Variants in RGS12 observed in about 807,000 individuals in gnomAD.
RGS12 encodes the protein regulator of G-protein signaling 12.
Under a neutral mutation model 120.1 loss-of-function variants are expected in RGS12, and 66 were observed. That is an observed-to-expected ratio of 0.55 (90% CI 0.45 to 0.67). The LOEUF is 0.67. RGS12 is among the 30% of genes least tolerant of loss of function. RGS12 has a pLI of 0.00. For synonymous variants in RGS12, 827 were observed against 804.7 expected, an observed-to-expected ratio of 1.03 and a Z score of -0.47; for missense variants, 1,859 against 1,957.7, an observed-to-expected ratio of 0.95 and a Z score of 0.95.
chr4:3,314,765 AT>A (rs1724628737), intron 1 of RGS12: 1 of 152,244 alleles, frequency 6.6e-6, no homozygotes, highest in Non-Finnish European at 1.5e-5. Context: ...TCACAACACA[AT>A]CACTTACTGT....
chr4:3,351,446 C>G lies in RGS12; in HGVS notation c.1998+8393C>G, dbSNP rs75337727. ...ATTTTTCAATTAGCTTTTTCATCAC[C>G]CTAAGCAATTGTTAGACAAACCTAA... On this transcript the variant is annotated intron_variant, in intron 3 of 17. Coordinates refer to ENST00000336727, the MANE Select transcript of RGS12 (RefSeq NM_001394154.1). Among the ~76,000 whole-genome samples the G allele has an allele frequency of 1.9e-3, 285 of 152,100 alleles. 1 individual carries two copies. The highest frequency in any genetic ancestry group is 6.7e-3 in the African/African-American group (279 of 41,470).
intron 3 of RGS12, among the ~76,000 whole-genome samples, chr4:3,344,902 C>G (rs1713652639): frequency 1.3e-5 from 2 of 152,248 alleles, no homozygotes; most frequent in Admixed American, 6.5e-5. Flanking sequence ...CCTTCCATGA[C>G]TCCTTGGAGA....
intron 3 of RGS12, among the ~76,000 whole-genome samples, chr4:3,351,951 C>A (rs1714395025): frequency 6.6e-6 from 1 of 152,130 alleles, no homozygotes; most frequent in African/African-American, 2.4e-5. Flanking sequence ...TATTTAGAAT[C>A]TTTATTTTTG....
chr4:3,322,824 G>T (rs914598131), intron 2 of RGS12, among the ~76,000 whole-genome samples: 1 of 152,208 alleles, frequency 6.6e-6, no homozygotes, highest in Admixed American at 6.5e-5. Context: ...TCGCTGAGGT[G>T]CTCAGTCGTT....
intron 3 of RGS12, among the ~76,000 whole-genome samples, chr4:3,377,846 G>C (rs528536459): frequency 1.3e-5 from 2 of 152,270 alleles, no homozygotes; most frequent in African/African-American, 4.8e-5. Context: ...AAAATACTTC[G>C]TCAGTTTCTT....
chr4:3,422,395 TG>T lies in RGS12; in HGVS notation c.2860del (p.Ala954HisfsTer76). On this transcript the variant is annotated frameshift_variant, in exon 11 of 18. Coordinates refer to ENST00000336727, the MANE Select transcript of RGS12 (RefSeq NM_001394154.1). LOFTEE classifies it high-confidence loss of function. ...CCCCAGTCGGAGGCCTGCAGGACTT[TG>T]GCACCCGAGAAGGACAAGGCCACCA... ...SLDLSEACRTLAPEKDKATKH... is the reference protein window; with the variant it reads ...SLDLSEACRTXAPEKDKATKH... 4 of 1,612,280 alleles carry T rather than the reference TG, an allele frequency of 2.5e-6. No homozygotes were observed. Among genetic ancestry groups the T allele is most frequent in the Non-Finnish European group, 3.4e-6 (4 of 1,179,554 alleles).
intron 3 of RGS12, among the ~76,000 whole-genome samples, chr4:3,377,052 C>T (rs1415390565): frequency 6.6e-6 from 1 of 150,938 alleles, no homozygotes; most frequent in Non-Finnish European, 1.5e-5. Flanking sequence ...CACTCTGCCA[C>T]CCAGGCTGGA....
rs1168559539 is a variant in RGS12, at chr4:3,439,651, C to G, written c.4311C>G (p.Pro1437=). 6.4e-7 allele frequency: 1 copy of G among 1,573,328 alleles called. No homozygotes were observed. The highest frequency in any genetic ancestry group is 1.7e-4 in the Middle Eastern group (1 of 5,874). ...CCGTCCCGGGTGAGCCTGCTAAGCC[C>G]AAGACCAGCGCTCACCACGCCACCT... ...LGPVPGEPAK[P]KTSAHHATFV is the part of the protein sequence containing the mutation. The change falls in exon 18 of 18, where the codon CCC becomes CCG. Residue 1437 remains proline (P), a synonymous_variant. Coordinates refer to ENST00000336727, the MANE Select transcript of RGS12 (RefSeq NM_001394154.1).
rs773249986 is a variant in RGS12 at position 3,316,504 on chromosome 4, G to A, written c.334G>A (p.Gly112Arg). The A allele has an allele frequency of 1.9e-6, 3 of 1,614,140 alleles. No individual in the cohort carries two copies. In the South Asian group the frequency reaches 3.3e-5, roughly 18 times the overall value. The stretch of plus-strand genomic sequence containing the variant: ...ATCCTGTTCCAGTGATGAAGAAGGG[G>A]GACTCTATGAAGGAAAAGGCTGGCT... ...FESCSSDEEG[G>R]LYEGKGWLKP... The change falls in exon 2 of 18, where the codon GGA becomes AGA. Residue 112 changes from glycine (G) to arginine (R), a missense_variant. By Grantham distance (125) the Gly-to-Arg change is moderately radical. This residue lies in a region of RGS12 where 967 missense variants were observed against 994.2 expected (regional missense o/e 0.97). Coordinates refer to ENST00000336727, the MANE Select transcript of RGS12 (RefSeq NM_001394154.1).
intron 3 of RGS12, among the ~76,000 whole-genome samples, chr4:3,345,722 A>G (rs1186431822): frequency 2.0e-5 from 3 of 152,256 alleles, no homozygotes; most frequent in Non-Finnish European, 4.4e-5. Flanking sequence ...GTACTTCTGC[A>G]GAGACTTAAG....
chr4:3,329,986 A>C (rs1414144685), intron 2 of RGS12, among the ~76,000 whole-genome samples: 1 of 152,218 alleles, frequency 6.6e-6, no homozygotes, highest in Admixed American at 6.5e-5. Flanking sequence ...TCTAGGACAC[A>C]TGTAATCGTG....
At chr4:3,396,537 C>T (rs1199785199) in intron 4 of RGS12, among the ~76,000 whole-genome samples, 1 of 152,180 alleles carries the variant, frequency 6.6e-6, no homozygotes, top group Non-Finnish European at 1.5e-5. Flanking sequence ...GACAATCCTT[C>T]CCAATAACTT....
At chr4:3,380,467 C>T (rs1332807801) in intron 3 of RGS12, among the ~76,000 whole-genome samples, 1 of 152,228 alleles carries the variant, frequency 6.6e-6, no homozygotes. Context: ...TGTGTGGGGA[C>T]TCTAACCCCA....
chr4:3,338,726 C>A (rs963680054), intron 2 of RGS12, among the ~76,000 whole-genome samples: 1 of 152,106 alleles, frequency 6.6e-6, no homozygotes, highest in Non-Finnish European at 1.5e-5. Flanking sequence ...GGAGATGGTG[C>A]CCTGGGGGCC....
intron 4 of RGS12, among the ~76,000 whole-genome samples, chr4:3,399,314 T>A (rs1720355312): frequency 6.6e-6 from 1 of 151,922 alleles, no homozygotes; most frequent in African/African-American, 2.4e-5. Context: ...CAACTAAAAG[T>A]ATGAACAAAA....
chr4:3,436,365 C>G (rs1724806521), intron 17 of RGS12, among the ~76,000 whole-genome samples: 1 of 152,204 alleles, frequency 6.6e-6, no homozygotes. Flanking sequence ...CCTGGGTGTC[C>G]TTGTGCCCTG....
Position 3,414,249 on chromosome 4 carries a change from G to A in RGS12, c.2190+8G>A, listed in dbSNP as rs373463526. On this transcript the variant is annotated splice_region_variant and intron_variant, in intron 5 of 17. Coordinates refer to ENST00000336727, the MANE Select transcript of RGS12 (RefSeq NM_001394154.1). ...GGTGTCCGCTACTTCTCTGTGAGTA[G>A]GGAAGGGCCCAGGAGCAGCGGAGCG... The A allele has an allele frequency of 5.8e-5, 89 of 1,533,190 alleles. No individual in the cohort carries two copies. In the African/African-American group the frequency reaches 9.6e-4, roughly 16 times the overall value. The allele number at this position is 1,533,190 out of a possible 1,614,324, so 95.0% of individuals were successfully genotyped here.
chr4:3,394,808 C>A (rs568395062), intron 4 of RGS12, among the ~76,000 whole-genome samples: 80 of 152,264 alleles, frequency 5.3e-4, no homozygotes, highest in African/African-American at 1.9e-3. Flanking sequence ...CCCCTGCAGG[C>A]CCTCAGTCAC....
chr4:3,403,319 A>G (rs775533557), intron 4 of RGS12, among the ~76,000 whole-genome samples: 3 of 152,216 alleles, frequency 2.0e-5, no homozygotes, highest in Non-Finnish European at 4.4e-5. Flanking sequence ...AACGGGAAGT[A>G]CACTATATCT....
Sources: gnomAD v4.1 joint callset for allele counts (sites outside exome capture counted in the v4.1 genomes callset) on GRCh38, gnomAD v4.1.1 for gene constraint, gnomAD v4.1.1 regional missense constraint, MANE v1.5 for transcripts, NCBI Gene and HGNC (gene_info 2026-07-23, HGNC 2026-07-21) for gene names.